The following ODF2 variants were observed in gnomAD, a reference collection of about 807,000 sequenced individuals.
ODF2 encodes outer dense fiber of sperm tails 2.
In ODF2, 47 loss-of-function variants were observed where a neutral mutation model predicts 110.2. The observed-to-expected ratio is 0.43, with a 90% CI of 0.34 to 0.54. The LOEUF (loss-of-function observed/expected upper bound fraction) is 0.54. Ranked by LOEUF, ODF2 falls within the 20% of genes least tolerant of loss-of-function variation. The pLI is 0.03. For missense variants in ODF2, 812 were observed against 1,054.5 expected (o/e 0.77, Z 3.19); for synonymous variants, 352 against 397.7 (o/e 0.89, Z 1.37).
chr9:128,488,417 T>A (rs1010959903), intron 14 of ODF2, among the ~76,000 whole-genome samples: 7 of 151,956 alleles, frequency 4.6e-5, no homozygotes, highest in Admixed American at 3.3e-4. Context: ...AGAGAGAGAC[T>A]CTGTGTCAAA....
exon 9 of ODF2, chr9:128,481,583 T>C (rs1842409304): frequency 1.2e-6 from 2 of 1,613,184 alleles, no homozygotes; most frequent in Admixed American, 3.3e-5. Flanking sequence ...TTTGAAGGAT[T>C]CTGAAAGACT....
chr9:128,467,762 A>AG (rs1838645988), intron 4 of ODF2, among the ~76,000 whole-genome samples: 1 of 151,064 alleles, frequency 6.6e-6, no homozygotes, highest in Non-Finnish European at 1.5e-5. Context: ...AAAAAAAAAA[A>AG]GCAAAGTGTT....
At chr9:128,486,477 G>A (rs949647613) in intron 13 of ODF2, among the ~76,000 whole-genome samples, 1 of 152,216 alleles carries the variant, frequency 6.6e-6, no homozygotes, top group Non-Finnish European at 1.5e-5. Flanking sequence ...TGATATGTTT[G>A]CTTGGGCCTA....
chr9:128,496,069 T>C lies in ODF2; in HGVS notation c.1940T>C (p.Met647Thr), dbSNP rs918919820. 2.5e-6 allele frequency: 4 copies of C among 1,613,790 alleles called. No individual in the cohort carries two copies. The African/African-American group carries it at 5.3e-5, about 22-fold the overall frequency. ...GAACACCAGGGGGACAAGCTGGAGA[T>C]GGCGAGAGAGAAACATCAGGCTTCC... Residue 647 changes from methionine (M) to threonine (T), a missense_variant, in exon 18 of 21, where the codon ATG (methionine) becomes ACG (threonine). By Grantham distance (81) the Met-to-Thr change is moderately conservative. Coordinates refer to ENST00000604420, the Ensembl canonical transcript of ODF2.
chr9:128,492,191 A>G (rs2132219607), intron 14 of ODF2, among the ~76,000 whole-genome samples: 1 of 152,028 alleles, frequency 6.6e-6, no homozygotes, highest in East Asian at 1.9e-4. Context: ...TTCTTTAATG[A>G]TTATATATTG....
At chr9:128,473,832 G>A in intron 8 of ODF2, 91 bp downstream of exon 8, 1 of 1,254,666 alleles carries the variant, frequency 8.0e-7, no homozygotes, top group South Asian at 1.3e-5. Context: ...AATAAGATTG[G>A]TGCCCGACCT....
chr9:128,469,337 G>A, exon 5 of ODF2: 1 of 1,614,152 alleles, frequency 6.2e-7, no homozygotes, highest in South Asian at 1.1e-5. Context: ...AATGCGGTTG[G>A]TTGTCTGAAG....
At chr9:128,487,459 G>T (rs1362840739) in intron 13 of ODF2, among the ~76,000 whole-genome samples, 1 of 151,972 alleles carries the variant, frequency 6.6e-6, no homozygotes, top group South Asian at 2.1e-4. Context: ...GAGAACGCTG[G>T]GTCCCACACC....
In ODF2 at chr9:128,457,148, C is replaced by T. The variant is rs542928265; in HGVS notation, c.-208-50C>T. The stretch of plus-strand genomic sequence containing the variant: ...CTGCCCCGTCCCCTCCCCTTCCTCC[C>T]CTCTGCCCCCAGGTCGCTCAGCCTC... On this transcript the variant is annotated intron_variant, in intron 1 of 20. Coordinates refer to ENST00000604420, the Ensembl canonical transcript of ODF2. 1.2e-5 allele frequency: 18 copies of T among 1,483,274 alleles called. No individual in the cohort carries two copies. In the East Asian group the frequency reaches 2.2e-4, roughly 18 times the overall value. The allele number at this position is 1,483,274 out of a possible 1,614,324, so 91.9% of individuals were successfully genotyped here. A position where few individuals can be genotyped will look rare whatever the true frequency, so the allele number is the denominator to read the frequency against.
At chr9:128,473,224 G>A in intron 7 of ODF2, 182 bp downstream of exon 7, 1 of 985,242 alleles carries the variant, frequency 1.0e-6, no homozygotes, top group Non-Finnish European at 1.2e-6. Context: ...CCTTGAAGAT[G>A]ACCTCTGGTC....
exon 21 of ODF2, chr9:128,500,213 C>G: frequency 1.2e-6 from 2 of 1,614,234 alleles, no homozygotes; most frequent in Non-Finnish European, 1.7e-6. Flanking sequence ...ATTCCACCTT[C>G]CTGACTAGCT....
chr9:128,457,192 TG>T, intron 1 of ODF2: 1 of 1,544,794 alleles, frequency 6.5e-7, no homozygotes, highest in Non-Finnish European at 8.7e-7. Flanking sequence ...CCCCCTACTT[TG>T]GCAGGACAGT....
intron 18 of ODF2, chr9:128,497,965 G>C (rs1845947489): frequency 6.5e-6 from 1 of 153,706 alleles, no homozygotes; most frequent in African/African-American, 2.4e-5. Flanking sequence ...TGGTGTAGCT[G>C]AAGTCCCTTT....
At chr9:128,481,224 A>G (rs1051899404) in intron 8 of ODF2, among the ~76,000 whole-genome samples, 3 of 152,178 alleles carry the variant, frequency 2.0e-5, no homozygotes, top group Non-Finnish European at 4.4e-5. Flanking sequence ...TAATCCCAGC[A>G]CTTGGGGAGG....
intron 1 of ODF2, chr9:128,456,605 CAG>C: frequency 1.3e-6 from 2 of 1,520,684 alleles, no homozygotes; most frequent in Non-Finnish European, 1.8e-6. Flanking sequence ...TCTCCGCCGA[CAG>C]AGGCTCTCCC....
intron 9 of ODF2, 63 bp from the exon 10 acceptor site, chr9:128,482,753 C>T: frequency 7.7e-7 from 1 of 1,305,428 alleles, no homozygotes; most frequent in Non-Finnish European, 1.1e-6. Context: ...AAATCTCTGT[C>T]CTCCCTGGGC....
At chr9:128,499,232 A>G (rs974424030) in intron 20 of ODF2, 106 bp downstream of exon 20, 1 of 1,363,246 alleles carries the variant, frequency 7.3e-7, no homozygotes, top group Non-Finnish European at 1.0e-6. Context: ...TGAATATGAC[A>G]TGGTTTTATT....
rs1839061090 is a variant in ODF2, at chr9:128,469,098, A to G, written c.250-85A>G. 3 of 1,344,902 alleles carry G rather than the reference A, an allele frequency of 2.2e-6. 1 individual carries two copies. Among genetic ancestry groups the G allele is most frequent in the Middle Eastern group, 5.2e-4 (2 of 3,870 alleles). The allele number at this position is 1,344,902 out of a possible 1,614,324, so 83.3% of individuals were successfully genotyped here. On this transcript the variant is annotated intron_variant, in intron 4 of 20. Transcript: ENST00000604420. ...TTAGCTGTTACAGCTTTTCCCGTCT[A>G]ATCAGTAAATAAGCCTCCAGTGGTG... is the stretch of plus-strand genomic sequence containing the variant.
intron 11 of ODF2, 42 bp from the exon 12 acceptor site, chr9:128,484,659 G>T: frequency 1.9e-6 from 3 of 1,547,292 alleles, no homozygotes; most frequent in Non-Finnish European, 2.6e-6. Flanking sequence ...CAACCTCCTT[G>T]TCTCTCTTCT....
Sources: allele counts gnomAD v4.1 joint callset (sites outside exome capture counted in the v4.1 genomes callset), GRCh38; gene constraint gnomAD v4.1.1; transcripts MANE v1.5; gene names NCBI Gene and HGNC (gene_info 2026-07-23, HGNC 2026-07-21).